B4GALNT4: variants seen among roughly 807,000 people sequenced by gnomAD.
The protein encoded by B4GALNT4 is N-acetyl-beta-glucosaminyl-glycoprotein 4-beta-N-acetylgalactosaminyltransferase 1.
B4GALNT4 carries 77 observed loss-of-function variants against 110.0 expected under a neutral mutation model. The ratio of observed to expected loss-of-function variants is 0.70; its 90% confidence interval spans 0.58 to 0.85. The LOEUF (loss-of-function observed/expected upper bound fraction) is 0.85, where lower values mean the gene tolerates loss of function less well. B4GALNT4 is among the 40% of genes least tolerant of loss of function. The probability of loss-of-function intolerance (pLI) is 0.00; values close to 1 mark genes in which losing one functional copy is unlikely to be tolerated. For synonymous variants in B4GALNT4, 785 were observed against 655.5 expected (o/e 1.20, Z -3.02); for missense variants, 1,575 against 1,506.0 (o/e 1.05, Z -0.76).
chr11:381,776 G>A lies in B4GALNT4; in HGVS notation c.3104G>A (p.Arg1035His), dbSNP rs757286861. Residue 1035 changes from arginine (R) to histidine (H), a missense_variant, in exon 20 of 20, where the codon CGC becomes CAC. Arg to His is a conservative substitution (Grantham distance 29). Coordinates refer to ENST00000329962, the MANE Select transcript of B4GALNT4 (RefSeq NM_178537.5). ...MWSVRSRKGS[R>H]TGAS ...AGCGTCCGCAGCAGGAAGGGCTCTC[G>A]CACGGGGGCGTCTTGAGGACGGGCA... is the stretch of plus-strand genomic sequence containing the variant. The A allele has an allele frequency of 1.7e-5, 27 of 1,582,062 alleles. No individual in the cohort carries two copies. The South Asian group carries it at 2.3e-4, about 13-fold the overall frequency.
intron 6 of B4GALNT4, 39 bp from the exon 7 acceptor site, chr11:373,410 C>T (rs754202206): frequency 1.7e-5 from 7 of 409,494 alleles, no homozygotes; most frequent in East Asian, 6.1e-5. Flanking sequence ...GAGAGTGAAC[C>T]CCCCCCCCCA....
chr11:371,889 G>A (rs1056803947), intron 1 of B4GALNT4, among the ~76,000 whole-genome samples: 3 of 152,256 alleles, frequency 2.0e-5, no homozygotes, highest in Admixed American at 2.0e-4. Flanking sequence ...AGCCTGGGCT[G>A]CCCCACCAGA....
At chr11:373,874 C>T (rs754119918) in intron 8 of B4GALNT4, 46 bp downstream of exon 8, 2 of 1,580,546 alleles carry the variant, frequency 1.3e-6, no homozygotes, top group Non-Finnish European at 1.7e-6. Flanking sequence ...TCCACTCCCC[C>T]CACCTCCCTG....
At position 369,681 on chromosome 11, in the gene B4GALNT4, A is replaced by T; in HGVS notation, c.-123A>T. The T allele has an allele frequency of 2.4e-6, 1 of 409,458 alleles. No individual in the cohort carries two copies. Among genetic ancestry groups the T allele is most frequent in the Non-Finnish European group, 3.2e-6 (1 of 309,148 alleles). The allele number at this position is 409,458 out of a possible 1,614,324, so 25.4% of individuals were successfully genotyped here. On this transcript the variant is annotated 5_prime_UTR_variant, in exon 1 of 20. Coordinates refer to ENST00000329962, the MANE Select transcript of B4GALNT4 (RefSeq NM_178537.5). ...GGTGGCCGCGCACGGCGGACAAAGG[A>T]CCATGCGGGGCCGCGGGCGCTGAGC...
In B4GALNT4 at chr11:376,674, A is replaced by C; in HGVS notation, c.1551A>C (p.Ala517=). ...GCCGAGCTCCGCCCCCGCGCCCTGC[A>C]GTGGAGCAGCCGCCCCCAAAGGTGT... ...FLGRAPPPRP[A]VEQPPPKVYV... Residue 517 remains alanine (A), a synonymous_variant, in exon 14 of 20, where the codon GCA becomes GCC. Coordinates refer to ENST00000329962, the MANE Select transcript of B4GALNT4 (RefSeq NM_178537.5). The C allele has an allele frequency of 7.0e-7, 1 of 1,427,506 alleles. No homozygotes were observed. Among genetic ancestry groups the C allele is most frequent in the Non-Finnish European group, 9.1e-7 (1 of 1,094,700 alleles). The allele number at this position is 1,427,506 out of a possible 1,614,324, so 88.4% of individuals were successfully genotyped here.
chr11:380,633 C>A, intron 18 of B4GALNT4, 188 bp downstream of exon 18: 1 of 1,250,378 alleles, frequency 8.0e-7, no homozygotes, highest in Non-Finnish European at 1.1e-6. Flanking sequence ...GCCCCAGGAA[C>A]CTCCTCCAGT....
chr11:371,995 G>T, intron 1 of B4GALNT4, 114 bp from the exon 2 acceptor site: 1 of 765,944 alleles, frequency 1.3e-6, no homozygotes, highest in Non-Finnish European at 2.1e-6. Context: ...AGACACCACA[G>T]CCTGCCTGCC....
At chr11:377,835 C>A (rs1011488035) in intron 14 of B4GALNT4, among the ~76,000 whole-genome samples, 4 of 152,382 alleles carry the variant, frequency 2.6e-5, no homozygotes, top group African/African-American at 9.6e-5. Flanking sequence ...CCATTGGCCC[C>A]TCTGGTCTCC....
rs374493643 is a variant in B4GALNT4 at position 378,639 on chromosome 11, C to T, written c.2205-779C>T. Among the ~76,000 whole-genome samples the T allele has an allele frequency of 3.3e-5, 5 of 152,208 alleles. No individual in the cohort carries two copies. In the South Asian group the frequency reaches 8.3e-4, roughly 25 times the overall value. On this transcript the variant is annotated intron_variant, in intron 14 of 19. Transcript: ENST00000329962. ...AGACTGCCAAGGGAGGACGTGAGGCCGACTGAAGAGAAACCATCGTCTAGG... is the reference window on the plus strand; with the variant it reads ...AGACTGCCAAGGGAGGACGTGAGGCTGACTGAAGAGAAACCATCGTCTAGG...
chr11:379,372 G>T (rs1590342829), intron 14 of B4GALNT4, 46 bp from the exon 15 acceptor site: 4 of 1,430,496 alleles, frequency 2.8e-6, no homozygotes, highest in Non-Finnish European at 2.7e-6. Flanking sequence ...TGCGGGCGGG[G>T]TGCAGGCTGG....
Position 376,417 on chromosome 11 carries a change from G to T in B4GALNT4, c.1298-4G>T. On this transcript the variant is annotated splice_polypyrimidine_tract_variant and splice_region_variant and intron_variant, in intron 13 of 19. Coordinates refer to ENST00000329962, the MANE Select transcript of B4GALNT4 (RefSeq NM_178537.5). ...AGGGAGCTTCTAACCCGCGTTTCCC[G>T]CAGACTTCCTGGACGACGAGGACGA... is the stretch of plus-strand genomic sequence containing the variant. 6.2e-7 allele frequency: 1 copy of T among 1,600,074 alleles called. No individual in the cohort carries two copies. The highest frequency in any genetic ancestry group is 8.5e-7 in the Non-Finnish European group (1 of 1,178,166).
rs756896091 is a variant in B4GALNT4, at chr11:379,845, C to CA, written c.2489-21_2489-20insA. 2.5e-6 allele frequency: 4 copies of CA among 1,578,074 alleles called. No individual in the cohort carries two copies. The African/African-American group carries it at 4.0e-5, about 16-fold the overall frequency. On this transcript the variant is annotated intron_variant, in intron 15 of 19. Coordinates refer to ENST00000329962, the MANE Select transcript of B4GALNT4 (RefSeq NM_178537.5). ...TAGAGTCAGCGTCGGCTCAGCGCCC[C>CA]CCCCGCCTTTTCTCCTCCAGTGAAA...
At chr11:372,432 C>T (rs373518658) in intron 2 of B4GALNT4, among the ~76,000 whole-genome samples, 9 of 152,102 alleles carry the variant, frequency 5.9e-5, no homozygotes, top group Non-Finnish European at 1.3e-4. Flanking sequence ...ATGAATGTGC[C>T]GGCCGGTCAG....
chr11:373,417 C>CCA (rs1846659044), intron 6 of B4GALNT4, 32 bp from the exon 7 acceptor site: 23 of 1,225,674 alleles, frequency 1.9e-5, no homozygotes, highest in East Asian at 2.5e-5. Flanking sequence ...AACCCCCCCC[C>CCA]CCACCACCAC....
chr11:381,236 G>A (rs1846869515), intron 19 of B4GALNT4: 1 of 735,594 alleles, frequency 1.4e-6, no homozygotes, highest in Admixed American at 6.3e-5. Context: ...CATCCCACTG[G>A]GGCCATGCAG....
rs140484351 is a variant in B4GALNT4, at chr11:375,887, G to T, written c.1026G>T (p.Glu342Asp). 1 of 1,611,754 alleles carries T rather than the reference G, an allele frequency of 6.2e-7. No individual in the cohort carries two copies. The highest frequency in any genetic ancestry group is 1.7e-5 in the Admixed American group (1 of 59,944). Reference sequence around the variant, plus strand: ...CTTCGAGCCTGGAGAACGTGCTGGAGCCCTGCGCCTACGCCCCCACCTACG... The same window carrying T: ...CTTCGAGCCTGGAGAACGTGCTGGATCCCTGCGCCTACGCCCCCACCTACG... ...MESSSLENVLEPCAYAPTYVV... is the reference protein window; with the variant it reads ...MESSSLENVLDPCAYAPTYVV... The change falls in exon 11 of 20, where the codon GAG becomes GAT. Residue 342 changes from glutamate (E) to aspartate (D), a missense_variant. Transcript: ENST00000329962.
Position 373,740 on chromosome 11 carries a change from G to A in B4GALNT4, c.705-10G>A, listed in dbSNP as rs115127484. On this transcript the variant is annotated splice_polypyrimidine_tract_variant and intron_variant, in intron 7 of 19. Coordinates refer to ENST00000329962, the MANE Select transcript of B4GALNT4 (RefSeq NM_178537.5). ...GTGCATGGCACGACCCTTGCTCCTCGTGTCCCCAGGCTCATGGCCTCCCGG... is the reference window on the plus strand; with the variant it reads ...GTGCATGGCACGACCCTTGCTCCTCATGTCCCCAGGCTCATGGCCTCCCGG... 1.5e-3 allele frequency: 2,431 copies of A among 1,611,930 alleles called. 33 individuals carry two copies. The African/African-American group carries it at 0.028, about 19-fold the overall frequency.
In B4GALNT4 at chr11:377,123, C is replaced by T; in HGVS notation, c.2000C>T (p.Ala667Val). ...DEAASEDSEE[A>V]AGPALGRWRE... Reference sequence around the variant, plus strand: ...GCCGCGTCGGAGGACAGCGAGGAGGCCGCGGGCCCGGCGCTCGGACGCTGG... The same window carrying T: ...GCCGCGTCGGAGGACAGCGAGGAGGTCGCGGGCCCGGCGCTCGGACGCTGG... The change falls in exon 14 of 20, where the codon GCC (alanine) becomes GTC (valine). Residue 667 changes from alanine (A) to valine (V), a missense_variant. By Grantham distance (64) the Ala-to-Val change is moderately conservative. Transcript: ENST00000329962. 1 of 1,500,798 alleles carries T rather than the reference C, an allele frequency of 6.7e-7. No individual in the cohort carries two copies. The highest frequency in any genetic ancestry group is 8.9e-7 in the Non-Finnish European group (1 of 1,125,790). The allele number at this position is 1,500,798 out of a possible 1,614,324, so 93.0% of individuals were successfully genotyped here.
Position 381,878 on chromosome 11 carries a change from C to A in B4GALNT4, c.*86C>A. The A allele has an allele frequency of 1.4e-6, 2 of 1,401,610 alleles. No homozygotes were observed. Among genetic ancestry groups the A allele is most frequent in the Non-Finnish European group, 1.9e-6 (2 of 1,070,344 alleles). The allele number at this position is 1,401,610 out of a possible 1,614,324, so 86.8% of individuals were successfully genotyped here. A position where few individuals can be genotyped will look rare whatever the true frequency, so the allele number is the denominator to read the frequency against. On this transcript the variant is annotated 3_prime_UTR_variant, in exon 20 of 20. Transcript: ENST00000329962. ...TTGAGCTCGGTCCCGAGAGACCCGGCAGGGCTGGTCAGAGGGGCACAGCCA... is the reference window on the plus strand; with the variant it reads ...TTGAGCTCGGTCCCGAGAGACCCGGAAGGGCTGGTCAGAGGGGCACAGCCA...
Sources: gnomAD v4.1 joint callset for allele counts (sites outside exome capture counted in the v4.1 genomes callset) on GRCh38, gnomAD v4.1.1 for gene constraint, MANE v1.5 for transcripts, NCBI Gene and HGNC (gene_info 2026-07-23, HGNC 2026-07-21) for gene names.